Variants in ZNF24 observed in about 807,000 individuals in gnomAD.
ZNF24 encodes the protein zinc finger protein 24.
ZNF24 carries 11 observed loss-of-function variants against 40.9 expected under a neutral mutation model. That is an observed-to-expected ratio of 0.27 (90% CI 0.17 to 0.45). The LOEUF is 0.45. Among genes scored for constraint, ZNF24 ranks in the 20% least tolerant of loss-of-function variants. The probability of loss-of-function intolerance (pLI) is 1.00; values close to 1 mark genes in which losing one functional copy is unlikely to be tolerated. For synonymous variants in ZNF24, 139 were observed against 154.7 expected (o/e 0.90, Z 0.75); for missense variants, 293 against 437.7 (o/e 0.67, Z 2.95).
At position 35,337,074 on chromosome 18, in the gene ZNF24, A is replaced by T; in HGVS notation, c.*158T>A. ...GGTATGACACCATTTCTTTCAAGATAAATATCATAATGGTGAGTGAAGATT... is the reference window on the plus strand; with the variant it reads ...GGTATGACACCATTTCTTTCAAGATTAATATCATAATGGTGAGTGAAGATT... On this transcript the variant is annotated 3_prime_UTR_variant, in exon 4 of 4. Coordinates refer to ENST00000261332, the MANE Select transcript of ZNF24 (RefSeq NM_006965.4). The T allele has an allele frequency of 3.4e-6, 2 of 596,380 alleles. No homozygotes were observed. The highest frequency in any genetic ancestry group is 2.6e-6 in the Non-Finnish European group (1 of 391,060). The allele number at this position is 596,380 out of a possible 1,614,324, so 36.9% of individuals were successfully genotyped here.
In ZNF24 at chr18:35,340,846, T is replaced by C. The variant is rs1216731625; in HGVS notation, c.-83-113A>G. On this transcript the variant is annotated intron_variant, in intron 1 of 3. Coordinates refer to ENST00000261332, the MANE Select transcript of ZNF24 (RefSeq NM_006965.4). This position sits in a 1 kb window ranked among gnomAD's most constrained non-coding sequence, Gnocchi z 4.6. ...TCTTTGAGTTAAAAATTCCAATCAA[T>C]AACCTACACCAGGAATTGGCAAACT... is the stretch of plus-strand genomic sequence containing the variant. The C allele has an allele frequency of 1.2e-5, 7 of 574,846 alleles. No individual in the cohort carries two copies. The highest frequency in any genetic ancestry group is 9.4e-4 in the Middle Eastern group (2 of 2,124). 35.6% of individuals were successfully genotyped at this position (574,846 alleles called of 1,614,324 possible).
At chr18:35,337,859 A>G in intron 3 of ZNF24, 89 bp from the exon 4 acceptor site, 2 of 1,132,590 alleles carry the variant, frequency 1.8e-6, no homozygotes, top group Non-Finnish European at 1.2e-6. Flanking sequence ...GAACTAAAAT[A>G]GCTAGCACAC....
At chr18:35,342,189 T>C (rs1245216028) in intron 1 of ZNF24, among the ~76,000 whole-genome samples, 1 of 149,550 alleles carries the variant, frequency 6.7e-6, no homozygotes, top group African/African-American at 2.5e-5. Flanking sequence ...AGCGAGACTC[T>C]GTCTATAAAA....
intron 3 of ZNF24, chr18:35,338,185 A>T: frequency 1.0e-6 from 1 of 986,700 alleles, no homozygotes; most frequent in Non-Finnish European, 1.2e-6. Context: ...CAAAATACAA[A>T]GATGTAAATT....
At position 35,333,646 on chromosome 18, in the gene ZNF24, G is replaced by A. The variant is rs552096772; in HGVS notation, c.*3586C>T. 6.6e-6 allele frequency: 1 copy of A among 152,312 alleles called. No homozygotes were observed. The highest frequency in any genetic ancestry group is 2.4e-5 in the African/African-American group (1 of 41,572). 9.4% of individuals were successfully genotyped at this position (152,312 alleles called of 1,614,324 possible). On this transcript the variant is annotated 3_prime_UTR_variant, in exon 4 of 4. Coordinates refer to ENST00000261332, the MANE Select transcript of ZNF24 (RefSeq NM_006965.4). ...AATTTTTAAGGATTCAGGGTTGGCA[G>A]ACTATAGGCAAACAGGCATTCTTAC...
At chr18:35,342,640 T>C (rs2044980245) in intron 1 of ZNF24, 2 of 152,206 alleles carry the variant, frequency 1.3e-5, no homozygotes, top group African/African-American at 4.8e-5. Flanking sequence ...CTCTACAGTA[T>C]TCAGTACAGC....
rs576073332 is a variant in ZNF24 at position 35,338,060 on chromosome 18, T to G, written c.569-290A>C. 4.1e-4 allele frequency: 261 copies of G among 638,242 alleles called. 2 individuals carry two copies. The African/African-American group carries it at 4.8e-3, about 12-fold the overall frequency. The allele number at this position is 638,242 out of a possible 1,614,324, so 39.5% of individuals were successfully genotyped here. Reference sequence around the variant, plus strand: ...GATTCTAAGATGGTTAGGGAGATAGTCAAAATGATGTGGCTAGGTATGGAT... The same window carrying G: ...GATTCTAAGATGGTTAGGGAGATAGGCAAAATGATGTGGCTAGGTATGGAT... On this transcript the variant is annotated intron_variant, in intron 3 of 3. Coordinates refer to ENST00000261332, the MANE Select transcript of ZNF24 (RefSeq NM_006965.4).
At position 35,340,205 on chromosome 18, in the gene ZNF24, A is replaced by G. The variant is rs2044954173; in HGVS notation, c.420+26T>C. On this transcript the variant is annotated intron_variant, in intron 2 of 3. Transcript: ENST00000261332. The surrounding 1 kb of genome is among the most constrained non-coding windows in gnomAD (Gnocchi z 4.6). ...TACTACCTATGCCAGTGCTTCTGACACAGGAAATGACACAAGCAGGCTCAC... is the reference window on the plus strand; with the variant it reads ...TACTACCTATGCCAGTGCTTCTGACGCAGGAAATGACACAAGCAGGCTCAC... 6.2e-7 allele frequency: 1 copy of G among 1,602,452 alleles called. No homozygotes were observed. Among genetic ancestry groups the G allele is most frequent in the African/African-American group, 1.3e-5 (1 of 74,714 alleles).
chr18:35,340,329 G>A lies in ZNF24; in HGVS notation c.322C>T (p.Leu108=), dbSNP rs2044955739. Residue 108 remains leucine (L), a synonymous_variant, in exon 2 of 4, where the codon CTA becomes TTA. Transcript: ENST00000261332. This position sits in a 1 kb window ranked among gnomAD's most constrained non-coding sequence, Gnocchi z 4.6. The stretch of plus-strand genomic sequence containing the variant: ...TGATGATCTCGAACCCAAGTCTGTA[G>A]CTCTTTGGGTAGGATGGCAACAAAC... The part of the protein sequence containing the change: ...EQFVAILPKE[L]QTWVRDHHPE... 11 of 1,614,180 alleles carry A rather than the reference G, an allele frequency of 6.8e-6. No individual in the cohort carries two copies. The highest frequency in any genetic ancestry group is 7.6e-6 in the Non-Finnish European group (9 of 1,180,038).
At position 35,334,130 on chromosome 18, in the gene ZNF24, C is replaced by T. The variant is rs551771065; in HGVS notation, c.*3102G>A. The T allele has an allele frequency of 6.6e-6, 1 of 152,258 alleles. No homozygotes were observed. Among genetic ancestry groups the T allele is most frequent in the African/African-American group, 2.4e-5 (1 of 41,552 alleles). 9.4% of individuals were successfully genotyped at this position (152,258 alleles called of 1,614,324 possible). A position where few individuals can be genotyped will look rare whatever the true frequency, so the allele number is the denominator to read the frequency against. ...AATCTGGAAGAACAAACGAAATTAT[C>T]ATGACTTCTCGGTAACACTGTGAAA... is the stretch of plus-strand genomic sequence containing the variant. On this transcript the variant is annotated 3_prime_UTR_variant, in exon 4 of 4. Transcript: ENST00000261332.
chr18:35,339,705 A>G, intron 3 of ZNF24, 124 bp downstream of exon 3: 2 of 868,226 alleles, frequency 2.3e-6, no homozygotes, highest in Non-Finnish European at 3.3e-6. Context: ...ACTTAATCAG[A>G]AAAAAACTGA....
rs764957347 is a variant in ZNF24, at chr18:35,340,513, T to G, written c.138A>C (p.Pro46=). 13 of 1,614,134 alleles carry G rather than the reference T, an allele frequency of 8.1e-6. No homozygotes were observed. In the African/African-American group the frequency reaches 1.6e-4, roughly 20 times the overall value. Residue 46 remains proline, a synonymous_variant, in exon 2 of 4, where the codon CCA becomes CCC. Transcript: ENST00000261332. This position sits in a 1 kb window ranked among gnomAD's most constrained non-coding sequence, Gnocchi z 4.6. ...ATCGCTGTCGGAAAATCTCTGGGTC[T>G]GGGAGATGGTTCCAGGGGATACTTG... ...EGSSIPWNHL[P]DPEIFRQRFR... is the part of the protein sequence containing the mutation.
At chr18:35,341,709 A>G (rs1026560061) in intron 1 of ZNF24, among the ~76,000 whole-genome samples, 2 of 152,148 alleles carry the variant, frequency 1.3e-5, no homozygotes, top group Admixed American at 1.3e-4. Context: ...GCTTTTAACA[A>G]AAACAGTTCC....
intron 3 of ZNF24, 45 bp downstream of exon 3, chr18:35,339,784 A>G: frequency 6.5e-7 from 1 of 1,533,152 alleles, no homozygotes; most frequent in African/African-American, 1.4e-5. Context: ...CAAAAGGCCT[A>G]TACTCTCTTT....
intron 3 of ZNF24, chr18:35,338,047 G>T: frequency 1.8e-6 from 1 of 560,844 alleles, no homozygotes; most frequent in Non-Finnish European, 2.4e-6. Flanking sequence ...TTCTAAGATG[G>T]TTAGGGAGAT....
intron 1 of ZNF24, 114 bp downstream of exon 1, chr18:35,344,246 G>A (rs1598690561): frequency 6.6e-6 from 1 of 152,310 alleles, no homozygotes; most frequent in South Asian, 2.1e-4. Context: ...TGTTCCCCGC[G>A]CCTCCCGGGA....
rs144569334 is a variant in ZNF24, at chr18:35,339,954, C to G, written c.443G>C (p.Arg148Pro). ...TACCATGTCTTCTACTAGTACTTCC[C>G]GTTTTCGTCGACGGAGAGAAACCTG... ...GQPVSLRRRK[R>P]EVLVEDMVSQ... The change falls in exon 3 of 4, where the codon CGG (arginine) becomes CCG (proline). Residue 148 changes from arginine (R) to proline (P), a missense_variant. Arg to Pro is a moderately radical substitution (Grantham distance 103). Around this residue, in one of 2 missense-constraint regions of ZNF24, gnomAD observed 234 missense variants for 299.2 expected, o/e 0.78. Coordinates refer to ENST00000261332, the MANE Select transcript of ZNF24 (RefSeq NM_006965.4). The G allele has an allele frequency of 1.9e-6, 3 of 1,609,510 alleles. No homozygotes were observed. The East Asian group carries it at 6.7e-5, about 36-fold the overall frequency.
chr18:35,342,186 C>T (rs930676771), intron 1 of ZNF24, among the ~76,000 whole-genome samples: 24 of 149,618 alleles, frequency 1.6e-4, no homozygotes, highest in Non-Finnish European at 2.8e-4. Flanking sequence ...CAGAGCGAGA[C>T]TCTGTCTATA....
chr18:35,337,650 C>T lies in ZNF24; in HGVS notation c.689G>A (p.Gly230Glu). 6.2e-7 allele frequency: 1 copy of T among 1,613,976 alleles called. No individual in the cohort carries two copies. The highest frequency in any genetic ancestry group is 8.5e-7 in the Non-Finnish European group (1 of 1,179,996). ...NMGVPQIFKY[G>E]ETCFPKGRFE... ...CCTGCCCTTGGGGAAACAGGTTTCT[C>T]CATATTTAAAAATTTGAGGAACACC... is the stretch of plus-strand genomic sequence containing the variant. Residue 230 changes from glycine (G) to glutamate (E), a missense_variant, in exon 4 of 4, where the codon GGA becomes GAA. By Grantham distance (98) the Gly-to-Glu change is moderately conservative (BLOSUM62 -2). This residue lies in a region of ZNF24 where 234 missense variants were observed against 299.2 expected (regional missense o/e 0.78). Transcript: ENST00000261332.
Sources: gnomAD v4.1 joint callset for allele counts (sites outside exome capture counted in the v4.1 genomes callset) on GRCh38, gnomAD v4.1.1 for gene constraint, gnomAD v4.1.1 regional missense constraint, Gnocchi (gnomAD v3.1) non-coding constraint, MANE v1.5 for transcripts, NCBI Gene and HGNC (gene_info 2026-07-23, HGNC 2026-07-21) for gene names.